The following AVL9 variants were observed in gnomAD, a reference collection of about 807,000 sequenced individuals.
The protein encoded by AVL9 is AVL9 cell migration associated.
In AVL9, 49 loss-of-function variants were observed where a neutral mutation model predicts 79.2. That is an observed-to-expected ratio of 0.62 (90% CI 0.49 to 0.79). The LOEUF is 0.79. AVL9 is among the 30% of genes least tolerant of loss of function. The pLI, the probability that AVL9 is intolerant of heterozygous loss-of-function variation, is 0.00. For missense variants in AVL9, 682 were observed against 776.8 expected, an observed-to-expected ratio of 0.88 and a Z score of 1.45; for synonymous variants, 299 against 280.6, an observed-to-expected ratio of 1.07 and a Z score of -0.65.
chr7:32,575,852 G>A (rs571243226), intron 12 of AVL9, 103 bp from the exon 13 acceptor site: 2 of 743,112 alleles, frequency 2.7e-6, no homozygotes, highest in Admixed American at 2.3e-5. Context: ...AAATATGGGA[G>A]GGCAAGGGGA....
At chr7:32,529,367 TCTC>T (rs1468343026) in intron 1 of AVL9, among the ~76,000 whole-genome samples, 4 of 152,174 alleles carry the variant, frequency 2.6e-5, no homozygotes, top group African/African-American at 9.7e-5. Flanking sequence ...TTGCTGTAAA[TCTC>T]CTGGTTTTAG....
chr7:32,547,813 C>T (rs1789594000), intron 3 of AVL9, among the ~76,000 whole-genome samples: 1 of 152,180 alleles, frequency 6.6e-6, no homozygotes, highest in Non-Finnish European at 1.5e-5. Flanking sequence ...AATTTAAAGT[C>T]TGTTCATCAG....
At chr7:32,516,731 C>T (rs1336628531) in intron 1 of AVL9, among the ~76,000 whole-genome samples, 1 of 146,548 alleles carries the variant, frequency 6.8e-6, no homozygotes, top group Non-Finnish European at 1.5e-5. Flanking sequence ...CAATAACCAG[C>T]ACACTTCAAC....
At chr7:32,508,203 C>T (rs770861845) in intron 1 of AVL9, among the ~76,000 whole-genome samples, 3 of 152,078 alleles carry the variant, frequency 2.0e-5, no homozygotes, top group Non-Finnish European at 4.4e-5. Flanking sequence ...CTTTTTTACA[C>T]CATAATTGAA....
chr7:32,580,624 C>T, intron 14 of AVL9, 178 bp from the exon 15 acceptor site: 1 of 593,502 alleles, frequency 1.7e-6, no homozygotes, highest in Non-Finnish European at 3.0e-6. Flanking sequence ...AATGCACATG[C>T]TTAAAAGGTT....
intron 10 of AVL9, among the ~76,000 whole-genome samples, chr7:32,568,002 G>A (rs1306141311): frequency 6.6e-6 from 1 of 151,858 alleles, no homozygotes; most frequent in Non-Finnish European, 1.5e-5. Context: ...TTACAGGTGT[G>A]AGCCATCGCG....
chr7:32,522,142 A>C (rs1459628452), intron 1 of AVL9, among the ~76,000 whole-genome samples: 1 of 152,178 alleles, frequency 6.6e-6, no homozygotes, highest in African/African-American at 2.4e-5. Context: ...GTGGGGTTGG[A>C]GCCCCCACAC....
intron 13 of AVL9, among the ~76,000 whole-genome samples, chr7:32,579,581 T>A (rs868519556): frequency 1.7e-4 from 2 of 11,510 alleles, no homozygotes; most frequent in East Asian, 2.2e-3. Context: ...ATATTATATA[T>A]TATATATTAT....
At chr7:32,504,534 C>T (rs1787323341) in intron 1 of AVL9, among the ~76,000 whole-genome samples, 1 of 152,120 alleles carries the variant, frequency 6.6e-6, no homozygotes, top group African/African-American at 2.4e-5. Context: ...ACCTAATTGT[C>T]ATTAGGTGTG....
In AVL9 at chr7:32,585,075, C is replaced by T. The variant is rs909147473; in HGVS notation, c.*1168C>T. 3.3e-5 allele frequency: 5 copies of T among 152,094 alleles called. No individual in the cohort carries two copies. The highest frequency in any genetic ancestry group is 1.2e-4 in the African/African-American group (5 of 41,416). 9.4% of individuals were successfully genotyped at this position (152,094 alleles called of 1,614,324 possible). On this transcript the variant is annotated 3_prime_UTR_variant, in exon 16 of 16. Coordinates refer to ENST00000318709, the MANE Select transcript of AVL9 (RefSeq NM_015060.3). The stretch of plus-strand genomic sequence containing the variant: ...ATGAGCCACTGCGCCTGGCCTGTTT[C>T]TTTTTTAAACAGTTTTCTATTGGGT...
intron 11 of AVL9, among the ~76,000 whole-genome samples, chr7:32,571,688 C>T (rs796591767): frequency 4.2e-5 from 3 of 71,748 alleles, no homozygotes; most frequent in Non-Finnish European, 8.8e-5. Context: ...AGAAAAAGTA[C>T]ATTTTCCAAG....
chr7:32,567,307 G>T (rs1790627000), intron 10 of AVL9, among the ~76,000 whole-genome samples: 1 of 152,102 alleles, frequency 6.6e-6, no homozygotes, highest in African/African-American at 2.4e-5. Flanking sequence ...TCACCGTGTT[G>T]CTCAGGCTGG....
At chr7:32,503,187 A>G (rs892874452) in intron 1 of AVL9, among the ~76,000 whole-genome samples, 1 of 151,770 alleles carries the variant, frequency 6.6e-6, no homozygotes, top group East Asian at 1.9e-4. Flanking sequence ...TTAGATTTCA[A>G]ATATGGGCCA....
At position 32,537,454 on chromosome 7, in the gene AVL9, AGG is replaced by A. The variant is rs1001369018; in HGVS notation, c.94-5686_94-5685del. The A allele has an allele frequency of 3.5e-5, 5 of 142,276 alleles. No individual in the cohort carries two copies. In the Admixed American group the frequency reaches 3.8e-4, roughly 11 times the overall value. The allele number at this position is 142,276 out of a possible 1,614,324, so 8.8% of individuals were successfully genotyped here. A position where few individuals can be genotyped will look rare whatever the true frequency, so the allele number is the denominator to read the frequency against. On this transcript the variant is annotated intron_variant, in intron 1 of 15. Coordinates refer to ENST00000318709, the MANE Select transcript of AVL9 (RefSeq NM_015060.3). ...ATGAAATAATATATATCCATTAGAA[AGG>A]AGTTTTTTTTTTTTTTTTTTTTTTT...
intron 10 of AVL9, among the ~76,000 whole-genome samples, chr7:32,559,719 G>C (rs1232834358): frequency 6.6e-6 from 1 of 152,052 alleles, no homozygotes; most frequent in Admixed American, 6.6e-5. Flanking sequence ...TCACTCTCTT[G>C]GGTCTATTTT....
In AVL9 at chr7:32,586,758, C is replaced by T. The variant is rs556566037; in HGVS notation, c.*2851C>T. ...CATCAATGGCTTGCTGGTGGCTTCA[C>T]CACTATCCAGGTGACTTAAAAGAGT... On this transcript the variant is annotated 3_prime_UTR_variant, in exon 16 of 16. Coordinates refer to ENST00000318709, the MANE Select transcript of AVL9 (RefSeq NM_015060.3). 1 of 152,356 alleles carries T rather than the reference C, an allele frequency of 6.6e-6. No homozygotes were observed. Among genetic ancestry groups the T allele is most frequent in the South Asian group, 2.1e-4 (1 of 4,828 alleles). 9.4% of individuals were successfully genotyped at this position (152,356 alleles called of 1,614,324 possible).
chr7:32,500,018 C>T (rs929218867), intron 1 of AVL9, among the ~76,000 whole-genome samples: 4 of 152,100 alleles, frequency 2.6e-5, no homozygotes, highest in Non-Finnish European at 5.9e-5. Flanking sequence ...TGGGTTGGTT[C>T]CAAGTCTTTG....
At chr7:32,510,341 A>C (rs78751964) in intron 1 of AVL9, among the ~76,000 whole-genome samples, 127 of 131,414 alleles carry the variant, frequency 9.7e-4, no homozygotes, top group Middle Eastern at 0.01. Flanking sequence ...AGTCCTGGCA[A>C]TTCTGAACTG....
At chr7:32,560,565 C>T (rs1790288889) in intron 10 of AVL9, among the ~76,000 whole-genome samples, 1 of 152,062 alleles carries the variant, frequency 6.6e-6, no homozygotes, top group Non-Finnish European at 1.5e-5. Context: ...CTGTTTCCAC[C>T]AAATCTCCCC....
Sources: allele counts gnomAD v4.1 joint callset (sites outside exome capture counted in the v4.1 genomes callset), GRCh38; gene constraint gnomAD v4.1.1; transcripts MANE v1.5; gene names NCBI Gene and HGNC (gene_info 2026-07-23, HGNC 2026-07-21).